GALNT14: variants seen among roughly 807,000 people sequenced by gnomAD.
GALNT14 encodes the protein polypeptide N-acetylgalactosaminyltransferase 14.
A neutral mutation model predicts 77.5 loss-of-function variants in GALNT14; 60 were observed. The observed-to-expected ratio is 0.77, with a 90% CI of 0.63 to 0.96. The LOEUF (loss-of-function observed/expected upper bound fraction) is 0.96, where lower values mean the gene tolerates loss of function less well. GALNT14 is among the 40% of genes least tolerant of loss of function. GALNT14 has a pLI of 0.00. For synonymous variants in GALNT14, 280 were observed against 281.7 expected (o/e 0.99, Z 0.06); for missense variants, 710 against 731.0 (o/e 0.97, Z 0.33).
At chr2:30,942,497 A>C (rs770159713) in intron 8 of GALNT14, among the ~76,000 whole-genome samples, 193 bp from the exon 9 acceptor site, 2 of 152,152 alleles carry the variant, frequency 1.3e-5, no homozygotes, top group Non-Finnish European at 2.9e-5. Context: ...AGTTACCTAA[A>C]ATGAGAACAA....
Position 31,060,799 on chromosome 2 carries a change from T to A in GALNT14, c.130-67792A>T, listed in dbSNP as rs182761889. 1.5e-4 allele frequency among the ~76,000 whole-genome samples: 23 copies of A among 152,306 alleles called. 2 individuals carry two copies. The East Asian group carries it at 3.7e-3, about 24-fold the overall frequency. On this transcript the variant is annotated intron_variant, in intron 1 of 14. Transcript: ENST00000349752. Reference sequence around the variant, plus strand: ...AGACAGCCAATTCTGCAGAACCACCTGGCTCTCTTTTGCATTGTCCTTCAT... The same window carrying A: ...AGACAGCCAATTCTGCAGAACCACCAGGCTCTCTTTTGCATTGTCCTTCAT...
Position 31,117,368 on chromosome 2 carries a change from A to C in GALNT14, c.129+20590T>G, listed in dbSNP as rs114959278. Reference sequence around the variant, plus strand: ...ATGGGACACAGCAAAGGCTGGCTGCATGCAAAAGAAATGTACAACCCTATA... The same window carrying C: ...ATGGGACACAGCAAAGGCTGGCTGCCTGCAAAAGAAATGTACAACCCTATA... On this transcript the variant is annotated intron_variant, in intron 1 of 14. Coordinates refer to ENST00000349752, the MANE Select transcript of GALNT14 (RefSeq NM_024572.4). Among the ~76,000 whole-genome samples the C allele has an allele frequency of 4.7e-3, 719 of 152,336 alleles. 3 individuals carry two copies. Among genetic ancestry groups the C allele is most frequent in the Non-Finnish European group, 8.7e-3 (595 of 68,028 alleles).
chr2:31,074,407 A>AT (rs58156416), intron 1 of GALNT14, among the ~76,000 whole-genome samples: 5,328 of 149,570 alleles, frequency 0.036, 98 homozygotes, highest in Middle Eastern at 0.091. Context: ...TCTTTGGGGG[A>AT]TTTTTTTTTT....
At chr2:31,035,622 C>CACAT (rs1672691352) in intron 1 of GALNT14, among the ~76,000 whole-genome samples, 5 of 121,116 alleles carry the variant, frequency 4.1e-5, no homozygotes, top group African/African-American at 1.4e-4. Flanking sequence ...CACACCTACA[C>CACAT]ACACACACAC....
intron 9 of GALNT14, among the ~76,000 whole-genome samples, chr2:30,939,507 G>A (rs994837414): frequency 6.6e-6 from 1 of 152,124 alleles, no homozygotes; most frequent in Non-Finnish European, 1.5e-5. Context: ...TGGGAGGGAG[G>A]GATCCAGCTG....
At chr2:30,994,318 C>T (rs60715291) in intron 1 of GALNT14, among the ~76,000 whole-genome samples, 3,708 of 152,204 alleles carry the variant, frequency 0.024, 162 homozygotes, top group African/African-American at 0.085. Flanking sequence ...CTCCTGCACT[C>T]GGGAAACCTG....
intron 9 of GALNT14, among the ~76,000 whole-genome samples, chr2:30,941,414 G>T (rs1666370634): frequency 6.6e-6 from 1 of 152,220 alleles, no homozygotes; most frequent in Non-Finnish European, 1.5e-5. Flanking sequence ...TGCCTGCATG[G>T]TGCCAAGATT....
chr2:30,902,076 A>G, the GALNT14 span, among the ~76,000 whole-genome samples: 3 of 152,190 alleles, frequency 2.0e-5, no homozygotes, highest in African/African-American at 7.2e-5. Flanking sequence ...CTCATTCAGC[A>G]TCTACCAAAA....
At position 31,090,734 on chromosome 2, in the gene GALNT14, G is replaced by A. The variant is rs574710990; in HGVS notation, c.129+47224C>T. On this transcript the variant is annotated intron_variant, in intron 1 of 14. Coordinates refer to ENST00000349752, the MANE Select transcript of GALNT14 (RefSeq NM_024572.4). The stretch of plus-strand genomic sequence containing the variant: ...TGACCTCAGGTGATCCACCCGCTTC[G>A]GCCTCCCAAAGTGCTGGGATTACAG... 4.6e-5 allele frequency among the ~76,000 whole-genome samples: 7 copies of A among 151,542 alleles called. No individual in the cohort carries two copies. The East Asian group carries it at 9.8e-4, about 21-fold the overall frequency.
chr2:30,940,763 A>G (rs1470659735), intron 9 of GALNT14, among the ~76,000 whole-genome samples: 1 of 152,170 alleles, frequency 6.6e-6, no homozygotes, highest in Non-Finnish European at 1.5e-5. Flanking sequence ...TGGTGGAGGC[A>G]GACCCAGCCT....
Position 30,983,353 on chromosome 2 carries a change from T to C in GALNT14, c.299+9485A>G, listed in dbSNP as rs75676659. ...GTTGTTTTTACTGATCTATACTTAA[T>C]AGTCTTAGACTCAATAATTTGTTGA... On this transcript the variant is annotated intron_variant, in intron 2 of 14. Transcript: ENST00000349752. Among the ~76,000 whole-genome samples, 933 of 152,346 alleles carry C rather than the reference T, an allele frequency of 6.1e-3. 4 individuals are homozygous for C. The highest frequency in any genetic ancestry group is 0.021 in the African/African-American group (893 of 41,570).
At chr2:31,056,163 A>C (rs923964352) in intron 1 of GALNT14, among the ~76,000 whole-genome samples, 4 of 152,088 alleles carry the variant, frequency 2.6e-5, no homozygotes, top group African/African-American at 7.2e-5. Flanking sequence ...ACTGAGGGGG[A>C]CACTGTGGGA....
At chr2:31,116,567 T>C (rs959297686) in intron 1 of GALNT14, among the ~76,000 whole-genome samples, 1 of 152,138 alleles carries the variant, frequency 6.6e-6, no homozygotes, top group African/African-American at 2.4e-5. Flanking sequence ...AGCACTAAAA[T>C]ATTATAAAGC....
chr2:31,062,425 C>T (rs536040265), intron 1 of GALNT14, among the ~76,000 whole-genome samples: 116 of 152,136 alleles, frequency 7.6e-4, no homozygotes, highest in Non-Finnish European at 1.3e-3. Flanking sequence ...TATTCCATGG[C>T]GTATATGTGC....
Position 31,133,502 on chromosome 2 carries a change from A to G in GALNT14, c.129+4456T>C, listed in dbSNP as rs557228858. ...TTGTTGTATTTCTAGTACAGCACCAATACACTTACATGGGCCAGAGGCATT... is the reference window on the plus strand; with the variant it reads ...TTGTTGTATTTCTAGTACAGCACCAGTACACTTACATGGGCCAGAGGCATT... On this transcript the variant is annotated intron_variant, in intron 1 of 14. Transcript: ENST00000349752. Among the ~76,000 whole-genome samples the G allele has an allele frequency of 3.9e-5, 6 of 152,246 alleles. No individual in the cohort carries two copies. In the East Asian group the frequency reaches 5.8e-4, roughly 15 times the overall value.
intron 1 of GALNT14, among the ~76,000 whole-genome samples, chr2:31,066,908 T>C (rs1675004971): frequency 6.6e-6 from 1 of 152,188 alleles, no homozygotes; most frequent in African/African-American, 2.4e-5. Flanking sequence ...CCAGCCAAGC[T>C]GGGAAAGGGG....
Position 31,109,845 on chromosome 2 carries a change from G to A in GALNT14, c.129+28113C>T, listed in dbSNP as rs527926583. Among the ~76,000 whole-genome samples the A allele has an allele frequency of 2.2e-4, 33 of 152,230 alleles. 2 individuals carry two copies. Among genetic ancestry groups the A allele is most frequent in the Middle Eastern group, 6.8e-3 (2 of 294 alleles). On this transcript the variant is annotated intron_variant, in intron 1 of 14. Coordinates refer to ENST00000349752, the MANE Select transcript of GALNT14 (RefSeq NM_024572.4). Reference sequence around the variant, plus strand: ...GACAAGATGAGATGCTCCTCACAAGGTCCAAATGGGATACTCAGGGCTTCT... The same window carrying A: ...GACAAGATGAGATGCTCCTCACAAGATCCAAATGGGATACTCAGGGCTTCT...
intron 1 of GALNT14, among the ~76,000 whole-genome samples, chr2:31,024,175 A>G (rs1398015211): frequency 6.6e-6 from 1 of 151,920 alleles, no homozygotes; most frequent in African/African-American, 2.4e-5. Flanking sequence ...AATATACTCC[A>G]TGCCATCTCC....
chr2:31,122,744 C>T (rs1431198230), intron 1 of GALNT14, among the ~76,000 whole-genome samples: 1 of 152,018 alleles, frequency 6.6e-6, no homozygotes, highest in Non-Finnish European at 1.5e-5. Context: ...TTTTTGTTTT[C>T]TATAAAAATA....
Sources: gnomAD v4.1 joint callset for allele counts (sites outside exome capture counted in the v4.1 genomes callset) on GRCh38, gnomAD v4.1.1 for gene constraint, MANE v1.5 for transcripts, NCBI Gene and HGNC (gene_info 2026-07-23, HGNC 2026-07-21) for gene names.